The following RGL3 variants were observed in gnomAD, a reference collection of about 807,000 sequenced individuals.
RGL3 encodes the protein ral guanine nucleotide dissociation stimulator-like 3.
Under a neutral mutation model 90.6 loss-of-function variants are expected in RGL3, and 85 were observed. That is an observed-to-expected ratio of 0.94 (90% confidence interval 0.79 to 1.12). The LOEUF (loss-of-function observed/expected upper bound fraction) is 1.12, where lower values mean the gene tolerates loss of function less well. Ranked by LOEUF, RGL3 falls within the 50% of genes most tolerant of loss-of-function variation. The pLI is 0.00. For synonymous variants in RGL3, 408 were observed against 385.5 expected (o/e 1.06, Z -0.68); for missense variants, 1,034 against 939.2 (o/e 1.10, Z -1.32).
At chr19:11,418,450 G>C (rs1056502384) in intron 2 of RGL3, 8 of 577,628 alleles carry the variant, frequency 1.4e-5, no homozygotes, top group Admixed American at 9.3e-5. Context: ...GCTCCTCTCG[G>C]GAACTGCGCG....
Position 11,406,410 on chromosome 19 carries a change from G to T in RGL3, c.996+9C>A. 6.6e-7 allele frequency: 1 copy of T among 1,526,196 alleles called. No homozygotes were observed. The highest frequency in any genetic ancestry group is 2.5e-5 in the East Asian group (1 of 40,706). 94.5% of individuals were successfully genotyped at this position (1,526,196 alleles called of 1,614,324 possible). A position where few individuals can be genotyped will look rare whatever the true frequency, so the allele number is the denominator to read the frequency against. ...GCCCCCGCATCCCCTCTCCGCGCCCGCAACACACCTGGGCGATGCGGATCC... is the reference window on the plus strand; with the variant it reads ...GCCCCCGCATCCCCTCTCCGCGCCCTCAACACACCTGGGCGATGCGGATCC... On this transcript the variant is annotated intron_variant, in intron 7 of 18. Transcript: ENST00000380456.
chr19:11,394,611 A>C, intron 18 of RGL3, 91 bp from the exon 19 acceptor site: 1 of 915,100 alleles, frequency 1.1e-6, no homozygotes, highest in South Asian at 1.4e-5. Context: ...CTCACCCGCG[A>C]ACCTGAACAG....
intron 5 of RGL3, among the ~76,000 whole-genome samples, chr19:11,409,370 A>G (rs1209298405): frequency 6.6e-6 from 1 of 151,952 alleles, no homozygotes; most frequent in Non-Finnish European, 1.5e-5. Context: ...AGTCCCAGCT[A>G]CCCAGGAGGC....
At position 11,406,747 on chromosome 19, in the gene RGL3, G is replaced by T. The variant is rs142056355; in HGVS notation, c.755C>A (p.Ala252Asp). ...CAAGTCTATGAGGGTCAGCTGCTCGGCCACCTCGTCCACGCTGAAGTCCAG... is the reference window on the plus strand; with the variant it reads ...CAAGTCTATGAGGGTCAGCTGCTCGTCCACCTCGTCCACGCTGAAGTCCAG... ...QLLDFSVDEVAEQLTLIDLEL... is the reference protein window; with the variant it reads ...QLLDFSVDEVDEQLTLIDLEL... The change falls in exon 6 of 19, where the codon GCC (alanine) becomes GAC (aspartate). Residue 252 changes from alanine to aspartate, a missense_variant. Ala to Asp is a moderately radical substitution (Grantham distance 126). Transcript: ENST00000380456. The T allele has an allele frequency of 6.2e-7, 1 of 1,613,990 alleles. No homozygotes were observed. The highest frequency in any genetic ancestry group is 8.5e-7 in the Non-Finnish European group (1 of 1,180,012).
rs767879084 is a variant in RGL3 at position 11,402,500 on chromosome 19, A to G, written c.1284T>C (p.Leu428=). The G allele has an allele frequency of 3.1e-6, 5 of 1,605,074 alleles. No homozygotes were observed. The African/African-American group carries it at 6.7e-5, about 22-fold the overall frequency. Residue 428 remains leucine (L), a synonymous_variant, in exon 11 of 19, where the codon CTT becomes CTC. Transcript: ENST00000380456. ...PGPVPYLGTF[L]TDLVMLDTAL... ...CTGTGTCCAGCATAACCAGGTCCGT[A>G]AGGAAGGTGCCAAGGTAGGGGACAG...
chr19:11,405,226 G>A lies in RGL3; in HGVS notation c.1106C>T (p.Pro369Leu). 1.2e-6 allele frequency: 2 copies of A among 1,614,012 alleles called. No homozygotes were observed. The highest frequency in any genetic ancestry group is 1.7e-6 in the Non-Finnish European group (2 of 1,179,908). Residue 369 changes from proline (P) to leucine (L), a missense_variant, in exon 9 of 19, where the codon CCG becomes CTG. Physicochemically the swap from Pro to Leu is moderately conservative, Grantham distance 98 (BLOSUM62 -3). Coordinates refer to ENST00000380456, the MANE Select transcript of RGL3 (RefSeq NM_001035223.4). ...KRSWGAVSREPLSTFRKLSQI... is the reference protein window; with the variant it reads ...KRSWGAVSRELLSTFRKLSQI... ...CGAAAGTTTCCTGAAAGTAGATAGC[G>A]GTTCCCTGGAAGGACAGGAGAAGGG...
chr19:11,396,136 C>CTCTCTCTATATATA (rs1367805487), intron 18 of RGL3, among the ~76,000 whole-genome samples: 4 of 17,900 alleles, frequency 2.2e-4, no homozygotes, highest in African/African-American at 7.6e-4. Context: ...CTCTCTCTCT[C>CTCTCTCTATATATA]TATATATATA....
intron 2 of RGL3, among the ~76,000 whole-genome samples, chr19:11,417,459 C>T (rs1395098327): frequency 1.3e-5 from 2 of 150,150 alleles, no homozygotes; most frequent in African/African-American, 2.5e-5. Context: ...CGTGCCCAGC[C>T]CCTAGCACCA....
At chr19:11,411,228 AAAAG>A (rs1428678891) in intron 5 of RGL3, 4 of 152,060 alleles carry the variant, frequency 2.6e-5, no homozygotes, top group African/African-American at 4.8e-5. Context: ...AAAAAAAAAA[AAAAG>A]AGAAGCAAAC....
At chr19:11,405,057 A>C in intron 9 of RGL3, 90 bp downstream of exon 9, 2 of 1,033,854 alleles carry the variant, frequency 1.9e-6, no homozygotes, top group Non-Finnish European at 3.1e-6. Context: ...GAGTGTCCTG[A>C]CTATAGCAGG....
At chr19:11,404,913 C>T (rs1968742255) in intron 9 of RGL3, among the ~76,000 whole-genome samples, 1 of 152,164 alleles carries the variant, frequency 6.6e-6, no homozygotes, top group South Asian at 2.1e-4. Flanking sequence ...TTCTTTGTGA[C>T]TTCTTGTGTT....
chr19:11,396,136 C>CTCTCTCTCTATATA (rs1367805487), intron 18 of RGL3, among the ~76,000 whole-genome samples: 1 of 17,902 alleles, frequency 5.6e-5, no homozygotes, highest in African/African-American at 1.9e-4. Flanking sequence ...CTCTCTCTCT[C>CTCTCTCTCTATATA]TATATATATA....
At position 11,405,411 on chromosome 19, in the gene RGL3, G is replaced by A. The variant is rs776583189; in HGVS notation, c.1012C>T (p.Arg338Trp). 1.3e-6 allele frequency: 2 copies of A among 1,572,594 alleles called. No homozygotes were observed. The highest frequency in any genetic ancestry group is 8.6e-7 in the Non-Finnish European group (1 of 1,157,934). Reference sequence around the variant, plus strand: ...ATGGCGCGCAAGGAGGAGAAGTTCCGCAGTTCTCGGCAGCGCTGCCAGGCG... The same window carrying A: ...ATGGCGCGCAAGGAGGAGAAGTTCCACAGTTCTCGGCAGCGCTGCCAGGCG... ...IRIAQRCRELRNFSSLRAILS... is the reference protein window; with the variant it reads ...IRIAQRCRELWNFSSLRAILS... The change falls in exon 8 of 19, where the codon CGG (arginine) becomes TGG (tryptophan). Residue 338 changes from arginine (R) to tryptophan (W), a missense_variant. Physicochemically the swap from Arg to Trp is moderately radical, Grantham distance 101. Transcript: ENST00000380456.
intron 5 of RGL3, among the ~76,000 whole-genome samples, chr19:11,413,842 C>G (rs888422515): frequency 7.4e-5 from 11 of 148,142 alleles, no homozygotes; most frequent in South Asian, 4.2e-4. Context: ...CTCCCAGGTT[C>G]GCGCCATTCT....
chr19:11,398,780 C>T (rs1180825685), intron 16 of RGL3, among the ~76,000 whole-genome samples: 1 of 152,146 alleles, frequency 6.6e-6, no homozygotes, highest in Non-Finnish European at 1.5e-5. Flanking sequence ...AAGTGATTCT[C>T]CTGCCTCAGC....
At position 11,405,195 on chromosome 19, in the gene RGL3, A is replaced by G. The variant is rs1228997629; in HGVS notation, c.1137T>C (p.Ile379=). Residue 379 remains isoleucine (I), a synonymous_variant, in exon 9 of 19, where the codon ATT becomes ATC. Transcript: ENST00000380456. ...PLSTFRKLSQ[I]FSDENNHLSS... ...TGAGGTGGTTGTTCTCATCGGAGAA[A>G]ATCTGCGAAAGTTTCCTGAAAGTAG... The G allele has an allele frequency of 6.2e-7, 1 of 1,614,100 alleles. No homozygotes were observed. The highest frequency in any genetic ancestry group is 1.1e-5 in the South Asian group (1 of 91,082).
rs577179946 is a variant in RGL3, at chr19:11,419,226, G to A, written c.33+20C>T. On this transcript the variant is annotated intron_variant, in intron 1 of 18. Coordinates refer to ENST00000380456, the MANE Select transcript of RGL3 (RefSeq NM_001035223.4). ...CGGGTCACCAGGGATGCGGGGTCCG[G>A]GGATCCCTTGTCCCCTTACCAGGGC... is the stretch of plus-strand genomic sequence containing the variant. The A allele has an allele frequency of 2.5e-6, 4 of 1,587,846 alleles. No homozygotes were observed. Among genetic ancestry groups the A allele is most frequent in the African/African-American group, 2.8e-5 (2 of 72,516 alleles).
At position 11,416,650 on chromosome 19, in the gene RGL3, G is replaced by A; in HGVS notation, c.389C>T (p.Thr130Ile). Residue 130 changes from threonine to isoleucine, a missense_variant, in exon 4 of 19, where the codon ACA (threonine) becomes ATA (isoleucine). Thr to Ile is a moderately conservative substitution (Grantham distance 89). Transcript: ENST00000380456. ...GTTGAAGCTCAGATCTTGTACCGCTGTCTTCTTGATCTCTACCCTGGGAAG... is the reference window on the plus strand; with the variant it reads ...GTTGAAGCTCAGATCTTGTACCGCTATCTTCTTGATCTCTACCCTGGGAAG... The part of the protein sequence containing the change: ...PPPPGVEIKK[T>I]AVQDLSFNKN... 1 of 1,614,084 alleles carries A rather than the reference G, an allele frequency of 6.2e-7. No individual in the cohort carries two copies. The highest frequency in any genetic ancestry group is 1.6e-4 in the Middle Eastern group (1 of 6,062).
chr19:11,400,136 A>G lies in RGL3; in HGVS notation c.1581-28T>C, dbSNP rs185391263. The G allele has an allele frequency of 5.5e-4, 874 of 1,594,894 alleles. 4 individuals carry two copies. In the African/African-American group the frequency reaches 0.011, roughly 19 times the overall value. ...AAGGATGGGGACAGGGGATGAGGCTAAGGCAGGAGCAGCCCTTGCTGATAT... is the reference window on the plus strand; with the variant it reads ...AAGGATGGGGACAGGGGATGAGGCTGAGGCAGGAGCAGCCCTTGCTGATAT... On this transcript the variant is annotated intron_variant, in intron 14 of 18. Transcript: ENST00000380456.
Sources: allele counts gnomAD v4.1 joint callset (sites outside exome capture counted in the v4.1 genomes callset), GRCh38; gene constraint gnomAD v4.1.1; transcripts MANE v1.5; gene names NCBI Gene and HGNC (gene_info 2026-07-23, HGNC 2026-07-21).